SCCPDH: variants seen among roughly 807,000 people sequenced by gnomAD.
The protein encoded by SCCPDH is saccharopine dehydrogenase-like oxidoreductase.
In SCCPDH, 34 loss-of-function variants were observed where a neutral mutation model predicts 51.5. That is an observed-to-expected ratio of 0.66 (90% CI 0.50 to 0.88). The LOEUF (loss-of-function observed/expected upper bound fraction) is 0.88, where lower values mean the gene tolerates loss of function less well. Among genes scored for constraint, SCCPDH ranks in the 40% least tolerant of loss-of-function variants. The pLI is 0.00. For synonymous variants in SCCPDH, 187 were observed against 191.3 expected, an observed-to-expected ratio of 0.98 and a Z score of 0.19; for missense variants, 464 against 527.1, an observed-to-expected ratio of 0.88 and a Z score of 1.17.
intron 2 of SCCPDH, among the ~76,000 whole-genome samples, chr1:246,729,414 C>CT (rs397954499): frequency 2.6e-5 from 4 of 152,032 alleles, no homozygotes; most frequent in Non-Finnish European, 5.9e-5. Context: ...AGACCTCCCC[C>CT]TGGGAATGCA....
chr1:246,741,676 G>C (rs1048519994), intron 4 of SCCPDH, among the ~76,000 whole-genome samples: 1 of 152,168 alleles, frequency 6.6e-6, no homozygotes, highest in African/African-American at 2.4e-5. Flanking sequence ...TATCAGAGGT[G>C]AACAGCTATA....
chr1:246,759,521 C>G (rs1346805558), intron 7 of SCCPDH, among the ~76,000 whole-genome samples: 1 of 152,186 alleles, frequency 6.6e-6, no homozygotes, highest in Non-Finnish European at 1.5e-5. Context: ...GGAGTTCCAT[C>G]CTGCTGCTTT....
chr1:246,752,364 C>T (rs1332796675), intron 5 of SCCPDH, among the ~76,000 whole-genome samples: 3 of 152,172 alleles, frequency 2.0e-5, no homozygotes, highest in Admixed American at 2.0e-4. Context: ...AGCTGCAAAG[C>T]AGGCCAGTTG....
Position 246,736,057 on chromosome 1 carries a change from T to C in SCCPDH, c.384+2T>C. On this transcript the variant is annotated splice_donor_variant, in intron 3 of 11. Transcript: ENST00000366510. LOFTEE classifies it high-confidence loss of function. Reference sequence around the variant, plus strand: ...ATCGACATCAGTGGAGAACCTCAGGTATAAAAAATAAAAAGGAAAAACGTA... The same window carrying C: ...ATCGACATCAGTGGAGAACCTCAGGCATAAAAAATAAAAAGGAAAAACGTA... The C allele has an allele frequency of 6.3e-7, 1 of 1,595,478 alleles. No individual in the cohort carries two copies. The highest frequency in any genetic ancestry group is 8.6e-7 in the Non-Finnish European group (1 of 1,167,540).
At position 246,767,184 on chromosome 1, in the gene SCCPDH, T is replaced by C. The variant is rs1359023262; in HGVS notation, c.1185-11T>C. The C allele has an allele frequency of 1.3e-6, 2 of 1,589,462 alleles. No individual in the cohort carries two copies. Among genetic ancestry groups the C allele is most frequent in the South Asian group, 1.1e-5 (1 of 88,122 alleles). Reference sequence around the variant, plus strand: ...CTGAGTGCACTGTTTTCTCTTGTTATTGTTTTATAGGGGCGGGGTCTTCAC... The same window carrying C: ...CTGAGTGCACTGTTTTCTCTTGTTACTGTTTTATAGGGGCGGGGTCTTCAC... On this transcript the variant is annotated splice_polypyrimidine_tract_variant and intron_variant, in intron 11 of 11. Coordinates refer to ENST00000366510, the MANE Select transcript of SCCPDH (RefSeq NM_016002.3).
At chr1:246,747,739 A>G (rs1161811685) in intron 5 of SCCPDH, among the ~76,000 whole-genome samples, 1 of 152,148 alleles carries the variant, frequency 6.6e-6, no homozygotes, top group Non-Finnish European at 1.5e-5. Flanking sequence ...GCTATTTTAA[A>G]GAGAGCAGGG....
At chr1:246,724,704 C>T in intron 1 of SCCPDH, 92 bp downstream of exon 1, 2 of 1,133,864 alleles carry the variant, frequency 1.8e-6, no homozygotes, top group Admixed American at 3.5e-5. Flanking sequence ...AGGGATGCGC[C>T]CTACGTGTCC....
At chr1:246,736,953 G>A (rs1359620918) in intron 3 of SCCPDH, among the ~76,000 whole-genome samples, 2 of 144,722 alleles carry the variant, frequency 1.4e-5, no homozygotes, top group Admixed American at 6.7e-5. Flanking sequence ...ACTCAGTAAT[G>A]CACCTAGTAA....
chr1:246,750,318 T>C lies in SCCPDH; in HGVS notation c.564+6193T>C, dbSNP rs1668832515. Among the ~76,000 whole-genome samples, 4 of 152,318 alleles carry C rather than the reference T, an allele frequency of 2.6e-5. No individual in the cohort carries two copies. In the South Asian group the frequency reaches 8.3e-4, roughly 32 times the overall value. ...GAAGATAAACCAAACATACAATTTC[T>C]GAGGAACTGATCTTTTGTTTTGACT... is the stretch of plus-strand genomic sequence containing the variant. On this transcript the variant is annotated intron_variant, in intron 5 of 11. Transcript: ENST00000366510.
chr1:246,730,996 GT>G (rs1668482778), intron 2 of SCCPDH, among the ~76,000 whole-genome samples: 1 of 152,186 alleles, frequency 6.6e-6, no homozygotes, highest in African/African-American at 2.4e-5. Flanking sequence ...GGAGGCGGAG[GT>G]TACAGTGAGC....
intron 5 of SCCPDH, among the ~76,000 whole-genome samples, chr1:246,757,426 G>A (rs1050222308): frequency 2.0e-5 from 3 of 151,092 alleles, no homozygotes; most frequent in South Asian, 2.1e-4. Flanking sequence ...TCAGCCACTC[G>A]TTTCTCGGTG....
intron 4 of SCCPDH, among the ~76,000 whole-genome samples, chr1:246,743,366 C>A (rs944328262): frequency 5.3e-5 from 8 of 152,064 alleles, no homozygotes; most frequent in African/African-American, 1.2e-4. Context: ...GGGCAGATCA[C>A]AAGGTCAGGA....
chr1:246,760,073 A>G lies in SCCPDH; in HGVS notation c.930A>G (p.Ile310Met), dbSNP rs771435256. 9 of 1,610,050 alleles carry G rather than the reference A, an allele frequency of 5.6e-6. No individual in the cohort carries two copies. In the Admixed American group the frequency reaches 1.2e-4, roughly 21 times the overall value. Reference protein sequence around the residue: ...VRFGIGRQLLIKFPWFFSFGY... With the variant: ...VRFGIGRQLLMKFPWFFSFGY... ...TTGGAATTGGAAGGCAACTTCTCAT[A>G]AAAGTAAGTAAGATTTTATGAAATT... Residue 310 changes from isoleucine to methionine, a missense_variant, in exon 8 of 12, where the codon ATA becomes ATG. Physicochemically the swap from Ile to Met is conservative, Grantham distance 10. Coordinates refer to ENST00000366510, the MANE Select transcript of SCCPDH (RefSeq NM_016002.3).
chr1:246,730,644 A>C (rs1384650901), intron 2 of SCCPDH, among the ~76,000 whole-genome samples: 4 of 152,202 alleles, frequency 2.6e-5, no homozygotes, highest in Non-Finnish European at 5.9e-5. Flanking sequence ...CCGTTAACGG[A>C]ACGTCATGTT....
At chr1:246,749,898 G>A (rs770146138) in intron 5 of SCCPDH, among the ~76,000 whole-genome samples, 9 of 152,296 alleles carry the variant, frequency 5.9e-5, no homozygotes, top group Middle Eastern at 3.4e-3. Flanking sequence ...GAAGGCAAGC[G>A]TCAAAAGTAA....
intron 2 of SCCPDH, among the ~76,000 whole-genome samples, chr1:246,730,131 C>T (rs1668470475): frequency 1.3e-5 from 2 of 152,254 alleles, no homozygotes; most frequent in South Asian, 4.1e-4. Context: ...ATTCTCATGA[C>T]TCACTATCTC....
At chr1:246,737,527 C>T (rs543101419) in intron 3 of SCCPDH, among the ~76,000 whole-genome samples, 192 of 152,054 alleles carry the variant, frequency 1.3e-3, no homozygotes, top group African/African-American at 4.3e-3. Flanking sequence ...TTTAAATAAC[C>T]CAGAACATAG....
chr1:246,750,157 C>T (rs557051041), intron 5 of SCCPDH, among the ~76,000 whole-genome samples: 10 of 152,186 alleles, frequency 6.6e-5, no homozygotes, highest in East Asian at 1.9e-4. Flanking sequence ...TAGGGTCCTT[C>T]GAAAGCGGGT....
intron 5 of SCCPDH, among the ~76,000 whole-genome samples, chr1:246,745,615 A>G (rs1271490168): frequency 6.6e-6 from 1 of 152,188 alleles, no homozygotes. Context: ...GGAAGAGGAA[A>G]TAGTGTATCA....
Sources: allele counts gnomAD v4.1 joint callset (sites outside exome capture counted in the v4.1 genomes callset), GRCh38; gene constraint gnomAD v4.1.1; transcripts MANE v1.5; gene names NCBI Gene and HGNC (gene_info 2026-07-23, HGNC 2026-07-21).